SOX5: variants seen among roughly 807,000 people sequenced by gnomAD.
SOX5 encodes transcription factor SOX-5.
SOX5 carries 9 observed loss-of-function variants against 92.0 expected under a neutral mutation model. The observed-to-expected ratio is 0.10, with a 90% CI of 0.06 to 0.17. SOX5 has a LOEUF of 0.17. Among genes scored for constraint, SOX5 ranks in the 10% least tolerant of loss-of-function variants. The probability of loss-of-function intolerance (pLI) is 1.00; values close to 1 mark genes in which losing one functional copy is unlikely to be tolerated. For missense variants in SOX5, 642 were observed against 944.5 expected (o/e 0.68, Z 4.20); for synonymous variants, 344 against 336.3 (o/e 1.02, Z -0.25).
rs927530644 is a variant in SOX5, at chr12:23,532,921, A to T, written c.*1298T>A. ...TTGTTTTGCTCAAAATATCAACAGG[A>T]AAAACAAAAATCACTAAGTAGCAAA... On this transcript the variant is annotated 3_prime_UTR_variant, in exon 15 of 15. Transcript: ENST00000451604. The T allele has an allele frequency of 1.2e-5, 2 of 162,590 alleles. No homozygotes were observed. The highest frequency in any genetic ancestry group is 2.7e-5 in the Non-Finnish European group (2 of 73,786). 10.1% of individuals were successfully genotyped at this position (162,590 alleles called of 1,614,324 possible).
intron 1 of SOX5, among the ~76,000 whole-genome samples, chr12:24,401,472 G>A (rs1055042361): frequency 6.6e-6 from 1 of 151,900 alleles, no homozygotes; most frequent in African/African-American, 2.4e-5. Flanking sequence ...AGCTTTGGGA[G>A]GTCAAGGCAG....
intron 10 of SOX5, among the ~76,000 whole-genome samples, chr12:23,572,506 C>T (rs760162483): frequency 6.0e-5 from 9 of 150,922 alleles, no homozygotes; most frequent in East Asian, 1.9e-4. Flanking sequence ...TGATAAATGA[C>T]GTTAAGTATG....
chr12:23,713,332 G>C (rs544936082), intron 6 of SOX5, among the ~76,000 whole-genome samples: 1 of 152,298 alleles, frequency 6.6e-6, no homozygotes, highest in South Asian at 2.1e-4. Context: ...CTCCATAATT[G>C]TGAGGGAATA....
chr12:24,385,926 C>CAAAAAAAAAAA lies in SOX5; in HGVS notation c.-250-17298_-250-17288dup, dbSNP rs35813329. 1.7e-3 allele frequency among the ~76,000 whole-genome samples: 123 copies of CAAAAAAAAAAA among 73,354 alleles called. 1 individual carries two copies. The highest frequency in any genetic ancestry group is 3.3e-3 in the African/African-American group (54 of 16,580). 48.1% of individuals were successfully genotyped at this position (73,354 alleles called of 152,430 possible). A position where few individuals can be genotyped will look rare whatever the true frequency, so the allele number is the denominator to read the frequency against. On this transcript the variant is annotated intron_variant, in intron 1 of 4. Transcript: ENST00000446891. The stretch of plus-strand genomic sequence containing the variant: ...TGGGCAACAGAGCAAGACCTTGTCA[C>CAAAAAAAAAAA]AAAAAAAAAAAAAAAAAAAGAGAGA...
intron 2 of SOX5, among the ~76,000 whole-genome samples, chr12:23,881,038 T>C (rs181286975): frequency 1.4e-3 from 209 of 152,238 alleles, no homozygotes; most frequent in African/African-American, 4.8e-3. Context: ...AACCCCAAAA[T>C]GCTTTAAGCC....
chr12:23,939,344 T>C (rs1478938921), intron 1 of SOX5, among the ~76,000 whole-genome samples: 2 of 151,086 alleles, frequency 1.3e-5, no homozygotes, highest in Non-Finnish European at 3.0e-5. Context: ...GTTCTAAATG[T>C]AGTGCTGGTT....
chr12:24,436,667 A>G (rs1668511825), intron 1 of SOX5, among the ~76,000 whole-genome samples: 1 of 152,150 alleles, frequency 6.6e-6, no homozygotes, highest in East Asian at 1.9e-4. Flanking sequence ...GAGATGACTG[A>G]TGACGGGGGC....
At position 24,393,555 on chromosome 12, in the gene SOX5, T is replaced by G. The variant is rs74070030; in HGVS notation, c.-250-24916A>C. ...TAAAATTGATTCTTGCATTAGAAATTTACTGTGAAAAACTTACAATAAAAA... is the reference window on the plus strand; with the variant it reads ...TAAAATTGATTCTTGCATTAGAAATGTACTGTGAAAAACTTACAATAAAAA... On this transcript the variant is annotated intron_variant, in intron 1 of 4. Coordinates refer to the SOX5 transcript ENST00000446891. The surrounding 1 kb of genome is among the most constrained non-coding windows in gnomAD (Gnocchi z 5.0). Among the ~76,000 whole-genome samples the G allele has an allele frequency of 0.015, 2,268 of 152,238 alleles. 49 individuals are homozygous for G. Among genetic ancestry groups the G allele is most frequent in the African/African-American group, 0.052 (2,143 of 41,516 alleles).
chr12:23,631,831 A>G (rs2138431554), intron 8 of SOX5, among the ~76,000 whole-genome samples: 2 of 152,306 alleles, frequency 1.3e-5, no homozygotes, highest in South Asian at 4.1e-4. Context: ...TGAAAGCAAG[A>G]AAACACAGAA....
chr12:24,334,110 A>G (rs1221147403), intron 2 of SOX5, among the ~76,000 whole-genome samples: 1 of 114,668 alleles, frequency 8.7e-6, no homozygotes, highest in Non-Finnish European at 2.3e-5. Context: ...CAAATTAAAC[A>G]ACAAGAAAAT....
chr12:24,000,342 G>A (rs1318101754), intron 4 of SOX5, among the ~76,000 whole-genome samples: 1 of 151,696 alleles, frequency 6.6e-6, no homozygotes. Context: ...GTATAAGATT[G>A]TACACAAAGC....
At chr12:23,888,555 A>G (rs2097095899) in intron 2 of SOX5, among the ~76,000 whole-genome samples, 4 of 152,284 alleles carry the variant, frequency 2.6e-5, no homozygotes, top group South Asian at 4.1e-4. Flanking sequence ...TCCTTCTCCC[A>G]CCACTGGATT....
intron 4 of SOX5, among the ~76,000 whole-genome samples, chr12:24,021,659 A>T (rs896063614): frequency 2.0e-5 from 3 of 152,176 alleles, no homozygotes; most frequent in African/African-American, 7.2e-5. Context: ...GGCCTAATGG[A>T]ATCAGCACGG....
intron 1 of SOX5, among the ~76,000 whole-genome samples, chr12:24,458,407 T>A (rs1157632884): frequency 6.6e-6 from 1 of 152,066 alleles, no homozygotes; most frequent in African/African-American, 2.4e-5. Context: ...TCTATGGGCA[T>A]TTTTTTTCTT....
At chr12:23,597,130 A>T (rs2137289891) in intron 9 of SOX5, among the ~76,000 whole-genome samples, 1 of 152,280 alleles carries the variant, frequency 6.6e-6, no homozygotes. Context: ...CATGGTTTGC[A>T]TTATTAAAAA....
chr12:24,306,183 G>A (rs1382609272), intron 2 of SOX5, among the ~76,000 whole-genome samples: 2 of 152,178 alleles, frequency 1.3e-5, no homozygotes, highest in Non-Finnish European at 2.9e-5. Context: ...TAAAGGCGGG[G>A]AAAGTGGGCG....
intron 9 of SOX5, among the ~76,000 whole-genome samples, chr12:23,592,740 T>C (rs1951743154): frequency 6.6e-6 from 1 of 152,190 alleles, no homozygotes; most frequent in South Asian, 2.1e-4. Flanking sequence ...CTTATTTCAG[T>C]ATAGACAAAA....
intron 1 of SOX5, among the ~76,000 whole-genome samples, chr12:24,515,973 T>C (rs1488390107): frequency 2.6e-5 from 4 of 152,118 alleles, no homozygotes; most frequent in East Asian, 1.9e-4. Context: ...GCTGAATCTT[T>C]ACCTTATAAT....
chr12:24,511,850 C>T (rs1002901933), intron 1 of SOX5, among the ~76,000 whole-genome samples: 5 of 150,092 alleles, frequency 3.3e-5, no homozygotes, highest in Admixed American at 1.3e-4. Flanking sequence ...CCCAGCTACT[C>T]GGGAGGCTGA....
Sources: allele counts gnomAD v4.1 joint callset (sites outside exome capture counted in the v4.1 genomes callset), GRCh38; gene constraint gnomAD v4.1.1; non-coding constraint Gnocchi (gnomAD v3.1); transcripts MANE v1.5; gene names NCBI Gene and HGNC (gene_info 2026-07-23, HGNC 2026-07-21).